Variants in LDAH observed in about 807,000 individuals in gnomAD.
LDAH encodes the protein lipid droplet associated hydrolase, also known as lipid droplet-associated hydrolase.
A neutral mutation model predicts 29.6 loss-of-function variants in LDAH; 26 were observed. That is an observed-to-expected ratio of 0.88 (90% CI 0.64 to 1.22). The LOEUF (loss-of-function observed/expected upper bound fraction) is 1.22, where lower values mean the gene tolerates loss of function less well. Ranked by LOEUF, LDAH falls within the 50% of genes most tolerant of loss-of-function variation. The pLI, the probability that LDAH is intolerant of heterozygous loss-of-function variation, is 0.00. For synonymous variants in LDAH, 117 were observed against 133.0 expected (o/e 0.88, Z 0.83); for missense variants, 344 against 387.3 (o/e 0.89, Z 0.94).
At chr2:20,730,730 CT>C (rs752996856) in intron 5 of LDAH, among the ~76,000 whole-genome samples, 1 of 151,674 alleles carries the variant, frequency 6.6e-6, no homozygotes, top group Non-Finnish European at 1.5e-5. Context: ...TCTCCTTCTC[CT>C]TCTCCTTCTT....
intron 1 of LDAH, among the ~76,000 whole-genome samples, chr2:20,821,279 G>T (rs573554960): frequency 6.6e-6 from 1 of 152,184 alleles, no homozygotes; most frequent in South Asian, 2.1e-4. Flanking sequence ...TATACCCAAA[G>T]GAATATAAAT....
At chr2:20,743,256 C>T (rs1263760818) in intron 4 of LDAH, among the ~76,000 whole-genome samples, 3 of 148,968 alleles carry the variant, frequency 2.0e-5, no homozygotes, top group Non-Finnish European at 3.0e-5. Context: ...AAAAAAAATT[C>T]TTCTAGTGGT....
intron 3 of LDAH, among the ~76,000 whole-genome samples, chr2:20,787,551 C>T (rs943569400): frequency 3.3e-5 from 5 of 152,160 alleles, no homozygotes; most frequent in Admixed American, 3.3e-4. Context: ...GCCTTGGCCT[C>T]CCAAAGTGCT....
rs541438191 is a variant in LDAH, at chr2:20,773,978, A to G, written c.468+832T>C. ...CATCTATTGGTTAGACTGTCTCCTC[A>G]AGCAGACTCCAGGCTCTCCTACTTC... On this transcript the variant is annotated intron_variant, in intron 4 of 6. Coordinates refer to ENST00000237822, the MANE Select transcript of LDAH (RefSeq NM_021925.4). Among the ~76,000 whole-genome samples the G allele has an allele frequency of 1.8e-4, 28 of 152,300 alleles. No individual in the cohort carries two copies. The South Asian group carries it at 3.1e-3, about 17-fold the overall frequency.
At chr2:20,690,608 C>T (rs1448645713) in intron 6 of LDAH, among the ~76,000 whole-genome samples, 1 of 152,090 alleles carries the variant, frequency 6.6e-6, no homozygotes, top group Non-Finnish European at 1.5e-5. Context: ...TTATAAATCA[C>T]AGGCAATAGA....
At chr2:20,781,376 G>C (rs1558472705) in intron 3 of LDAH, among the ~76,000 whole-genome samples, 1 of 152,160 alleles carries the variant, frequency 6.6e-6, no homozygotes, top group Non-Finnish European at 1.5e-5. Context: ...GTGCTAATAT[G>C]AAGGAAAACA....
chr2:20,696,581 A>C (rs1663498424), intron 6 of LDAH, among the ~76,000 whole-genome samples: 1 of 152,250 alleles, frequency 6.6e-6, no homozygotes, highest in Non-Finnish European at 1.5e-5. Flanking sequence ...AGCCTGGGCC[A>C]AACGTGGTCA....
intron 3 of LDAH, among the ~76,000 whole-genome samples, chr2:20,786,541 CCT>C (rs1670567738): frequency 6.6e-6 from 1 of 152,140 alleles, no homozygotes; most frequent in Non-Finnish European, 1.5e-5. Flanking sequence ...ACTTCAGTTT[CCT>C]CTAATGTTCT....
intron 4 of LDAH, among the ~76,000 whole-genome samples, chr2:20,767,443 C>T (rs1428005380): frequency 1.3e-5 from 2 of 152,236 alleles, no homozygotes; most frequent in Admixed American, 6.5e-5. Flanking sequence ...TTGAGGAGCA[C>T]TGACATGCCA....
At chr2:20,785,803 G>T (rs552197967) in intron 3 of LDAH, among the ~76,000 whole-genome samples, 2 of 151,988 alleles carry the variant, frequency 1.3e-5, no homozygotes, top group Admixed American at 1.3e-4. Flanking sequence ...CAGCCTGCTG[G>T]TGAGTCCATC....
chr2:20,738,071 G>C (rs1459584037), intron 5 of LDAH, among the ~76,000 whole-genome samples: 1 of 150,182 alleles, frequency 6.7e-6, no homozygotes, highest in Non-Finnish European at 1.5e-5. Context: ...GGCCTACATG[G>C]TGAAACTCTG....
chr2:20,693,170 A>C (rs1004887308), intron 6 of LDAH, among the ~76,000 whole-genome samples: 6 of 149,526 alleles, frequency 4.0e-5, no homozygotes, highest in African/African-American at 1.2e-4. Flanking sequence ...CTGGAAAACA[A>C]AGTGTATCAA....
chr2:20,811,146 T>C (rs1373161165), intron 1 of LDAH, among the ~76,000 whole-genome samples: 1 of 151,004 alleles, frequency 6.6e-6, no homozygotes, highest in African/African-American at 2.4e-5. Context: ...GCCTCCCGAG[T>C]AGCTGGGACT....
At chr2:20,793,738 T>C (rs1671121060) in intron 2 of LDAH, among the ~76,000 whole-genome samples, 1 of 151,658 alleles carries the variant, frequency 6.6e-6, no homozygotes, top group Admixed American at 6.6e-5. Context: ...AATATGAAAA[T>C]TTTCATAGCA....
chr2:20,704,250 G>A (rs1664155076), intron 5 of LDAH, among the ~76,000 whole-genome samples: 1 of 152,156 alleles, frequency 6.6e-6, no homozygotes, highest in Non-Finnish European at 1.5e-5. Flanking sequence ...GTACATATAG[G>A]AGTAAATATT....
chr2:20,717,695 T>C (rs1248434000), intron 5 of LDAH, among the ~76,000 whole-genome samples: 1 of 152,196 alleles, frequency 6.6e-6, no homozygotes, highest in Non-Finnish European at 1.5e-5. Context: ...ATTCAAAATG[T>C]AGGGGGAGAA....
chr2:20,755,537 C>T (rs1668284013), intron 4 of LDAH, among the ~76,000 whole-genome samples: 1 of 152,100 alleles, frequency 6.6e-6, no homozygotes, highest in South Asian at 2.1e-4. Context: ...ATAACAGGTG[C>T]CAGTAACAGT....
chr2:20,717,313 A>C (rs907628569), intron 5 of LDAH, among the ~76,000 whole-genome samples: 4 of 152,218 alleles, frequency 2.6e-5, no homozygotes, highest in African/African-American at 9.6e-5. Flanking sequence ...GAGACAATCC[A>C]CAGAGTGGAA....
chr2:20,746,268 C>T (rs893758583), intron 4 of LDAH, among the ~76,000 whole-genome samples: 6 of 152,136 alleles, frequency 3.9e-5, no homozygotes, highest in African/African-American at 1.4e-4. Context: ...GGAAACAATC[C>T]ATTACTTTTA....
Sources: allele counts gnomAD v4.1 joint callset (sites outside exome capture counted in the v4.1 genomes callset), GRCh38; gene constraint gnomAD v4.1.1; transcripts MANE v1.5; gene names NCBI Gene and HGNC (gene_info 2026-07-23, HGNC 2026-07-21).